Variants in DYNC1I1 observed in about 807,000 individuals in gnomAD.
DYNC1I1 encodes dynein cytoplasmic 1 intermediate chain 1, also known as cytoplasmic dynein 1 intermediate chain 1.
DYNC1I1 carries 43 observed loss-of-function variants against 86.6 expected under a neutral mutation model. That is an observed-to-expected ratio of 0.50 (90% confidence interval 0.39 to 0.64). The LOEUF (loss-of-function observed/expected upper bound fraction) is 0.64. Among genes scored for constraint, DYNC1I1 ranks in the 30% least tolerant of loss-of-function variants. The pLI, the probability that DYNC1I1 is intolerant of heterozygous loss-of-function variation, is 0.00. For missense variants in DYNC1I1, 604 were observed against 788.8 expected, an observed-to-expected ratio of 0.77 and a Z score of 2.81; for synonymous variants, 262 against 283.7, an observed-to-expected ratio of 0.92 and a Z score of 0.77.
At chr7:95,926,661 G>A (rs1050029850) in intron 6 of DYNC1I1, among the ~76,000 whole-genome samples, 2 of 152,016 alleles carry the variant, frequency 1.3e-5, no homozygotes, top group African/African-American at 2.4e-5. Context: ...CTCTCTATAC[G>A]TGGTTAGATG....
chr7:95,994,687 A>G (rs1793814464), intron 9 of DYNC1I1, among the ~76,000 whole-genome samples: 2 of 152,152 alleles, frequency 1.3e-5, no homozygotes, highest in Admixed American at 1.3e-4. Flanking sequence ...TGTGACCTGC[A>G]TTTTGCCTTG....
intron 6 of DYNC1I1, among the ~76,000 whole-genome samples, chr7:95,954,809 A>G (rs1042030013): frequency 1.3e-5 from 2 of 148,530 alleles, no homozygotes; most frequent in African/African-American, 5.0e-5. Context: ...CCAGCTACTC[A>G]GGAGGCTGAG....
chr7:95,964,514 C>T (rs1792956428), intron 6 of DYNC1I1, among the ~76,000 whole-genome samples: 1 of 152,210 alleles, frequency 6.6e-6, no homozygotes. Context: ...TCATTGCCAT[C>T]TCCCATATGC....
chr7:96,038,203 A>C (rs1006888754), intron 13 of DYNC1I1, among the ~76,000 whole-genome samples: 1 of 152,234 alleles, frequency 6.6e-6, no homozygotes, highest in East Asian at 1.9e-4. Context: ...TTTGCTAAGC[A>C]CATTGACATT....
chr7:95,929,458 A>G (rs148283318), intron 6 of DYNC1I1, among the ~76,000 whole-genome samples: 5 of 152,224 alleles, frequency 3.3e-5, no homozygotes, highest in African/African-American at 1.2e-4. Flanking sequence ...AGCTTGTCAT[A>G]TTTTTCCTAG....
chr7:95,907,808 A>G (rs1791216398), intron 6 of DYNC1I1, among the ~76,000 whole-genome samples: 1 of 151,100 alleles, frequency 6.6e-6, no homozygotes, highest in African/African-American at 2.4e-5. Flanking sequence ...ATATATATAT[A>G]TATTCAACAT....
intron 6 of DYNC1I1, among the ~76,000 whole-genome samples, chr7:95,977,046 G>A (rs530340172): frequency 6.6e-6 from 1 of 152,164 alleles, no homozygotes; most frequent in African/African-American, 2.4e-5. Flanking sequence ...CATTTGACCT[G>A]GGGTCAGACC....
chr7:96,035,615 G>T lies in DYNC1I1; in HGVS notation c.1231-4G>T. 1 of 1,573,842 alleles carries T rather than the reference G, an allele frequency of 6.4e-7. No homozygotes were observed. Among genetic ancestry groups the T allele is most frequent in the Non-Finnish European group, 8.6e-7 (1 of 1,163,856 alleles). Reference sequence around the variant, plus strand: ...GGAAATGTAACCACACCGTGTTTTGGTAGGAGAGCATGGAGCTGGTGTACA... The same window carrying T: ...GGAAATGTAACCACACCGTGTTTTGTTAGGAGAGCATGGAGCTGGTGTACA... On this transcript the variant is annotated splice_region_variant and splice_polypyrimidine_tract_variant and intron_variant, in intron 12 of 16. Transcript: ENST00000447467.
chr7:96,059,633 G>A (rs1317103191), intron 14 of DYNC1I1, among the ~76,000 whole-genome samples: 1 of 152,184 alleles, frequency 6.6e-6, no homozygotes, highest in African/African-American at 2.4e-5. Flanking sequence ...CAGATCTGGA[G>A]AGTGATGGGG....
chr7:96,038,798 A>C (rs10268996), intron 13 of DYNC1I1, among the ~76,000 whole-genome samples: 34,023 of 152,114 alleles, frequency 0.22, 3,921 homozygotes, highest in East Asian at 0.32. Context: ...TAAGAAATTT[A>C]CTTGAAAAAA....
chr7:95,922,302 A>C (rs914855272), intron 6 of DYNC1I1, among the ~76,000 whole-genome samples: 3 of 152,114 alleles, frequency 2.0e-5, no homozygotes, highest in Admixed American at 6.6e-5. Context: ...GTTACTCTAG[A>C]GTGAGTAACC....
intron 6 of DYNC1I1, among the ~76,000 whole-genome samples, chr7:95,916,805 A>G (rs1791481967): frequency 2.0e-5 from 3 of 152,218 alleles, no homozygotes; most frequent in Admixed American, 6.5e-5. Context: ...AAAACTGCTC[A>G]CAGCCTGATT....
intron 1 of DYNC1I1, among the ~76,000 whole-genome samples, chr7:95,801,982 T>A (rs1794588728): frequency 1.3e-5 from 2 of 152,176 alleles, no homozygotes; most frequent in South Asian, 2.1e-4. Flanking sequence ...TGGCCCTCAG[T>A]CACGGCTCTG....
chr7:95,899,638 AG>A (rs1790982016), intron 6 of DYNC1I1, among the ~76,000 whole-genome samples: 1 of 152,210 alleles, frequency 6.6e-6, no homozygotes, highest in East Asian at 1.9e-4. Context: ...CCACTCCTTC[AG>A]GCACGTTGTG....
At chr7:95,872,309 C>CAT in intron 6 of DYNC1I1, among the ~76,000 whole-genome samples, 1 of 152,188 alleles carries the variant, frequency 6.6e-6, no homozygotes, top group Non-Finnish European at 1.5e-5. Context: ...GAAGCTCTGG[C>CAT]ATATATAACA....
intron 10 of DYNC1I1, among the ~76,000 whole-genome samples, chr7:96,017,136 T>C (rs1794422518): frequency 6.6e-6 from 1 of 152,208 alleles, no homozygotes; most frequent in African/African-American, 2.4e-5. Context: ...CTGTTCTCTC[T>C]AGTTCATACT....
chr7:96,065,799 T>C (rs1403702708), intron 14 of DYNC1I1, among the ~76,000 whole-genome samples: 1 of 152,224 alleles, frequency 6.6e-6, no homozygotes, highest in Non-Finnish European at 1.5e-5. Context: ...CAGCCTAACC[T>C]GAGTGTCTCT....
chr7:95,779,167 A>G (rs539741676), intron 1 of DYNC1I1, among the ~76,000 whole-genome samples: 1 of 152,334 alleles, frequency 6.6e-6, no homozygotes, highest in African/African-American at 2.4e-5. Context: ...CCAAAATGTC[A>G]ATGATGCCGA....
At position 95,810,469 on chromosome 7, in the gene DYNC1I1, G is replaced by T. The variant is rs371217689; in HGVS notation, c.186G>T (p.Leu62Phe). The change falls in exon 3 of 17, where the codon TTG (leucine) becomes TTT (phenylalanine). Residue 62 changes from leucine to phenylalanine, a missense_variant. Transcript: ENST00000447467. Reference protein sequence around the residue: ...LDRKRRETEALLQSIGISPEP... With the variant: ...LDRKRRETEAFLQSIGISPEP... ...GCAAACGACGAGAGACAGAGGCTTT[G>T]CTGCAAAGCATTGGTATCTCACCGG... 2 of 1,612,946 alleles carry T rather than the reference G, an allele frequency of 1.2e-6. No homozygotes were observed. Among genetic ancestry groups the T allele is most frequent in the Non-Finnish European group, 1.7e-6 (2 of 1,179,360 alleles).
Sources: allele counts gnomAD v4.1 joint callset (sites outside exome capture counted in the v4.1 genomes callset), GRCh38; gene constraint gnomAD v4.1.1; transcripts MANE v1.5; gene names NCBI Gene and HGNC (gene_info 2026-07-23, HGNC 2026-07-21).